VAV2: variants seen among roughly 807,000 people sequenced by gnomAD.
VAV2 encodes the protein guanine nucleotide exchange factor VAV2.
A neutral mutation model predicts 132.5 loss-of-function variants in VAV2; 67 were observed. The ratio of observed to expected loss-of-function variants is 0.51; its 90% CI spans 0.42 to 0.62. VAV2 has a LOEUF of 0.62. Among genes scored for constraint, VAV2 ranks in the 20% least tolerant of loss-of-function variants. The pLI is 0.00. For missense variants in VAV2, 938 were observed against 1,153.6 expected (o/e 0.81, Z 2.71); for synonymous variants, 492 against 443.5 (o/e 1.11, Z -1.37).
intron 2 of VAV2, among the ~76,000 whole-genome samples, chr9:133,882,683 C>A (rs957668484): frequency 6.6e-6 from 1 of 152,212 alleles, no homozygotes; most frequent in East Asian, 1.9e-4. Context: ...CCTTGTTTTG[C>A]GGCACCAGGT....
At chr9:133,797,623 C>T (rs1330759206) in intron 10 of VAV2, 87 bp downstream of exon 10, 4 of 1,188,406 alleles carry the variant, frequency 3.4e-6, no homozygotes, top group Admixed American at 2.6e-5. Flanking sequence ...AACAAATGGG[C>T]AAGAGAGAGG....
intron 4 of VAV2, among the ~76,000 whole-genome samples, chr9:133,814,840 A>G (rs1388738009): frequency 1.3e-5 from 2 of 152,128 alleles, no homozygotes; most frequent in African/African-American, 4.8e-5. Context: ...GGCTTGTCAC[A>G]GTGCAGATGG....
At chr9:133,870,905 T>G (rs1340134726) in intron 2 of VAV2, among the ~76,000 whole-genome samples, 6 of 75,980 alleles carry the variant, frequency 7.9e-5, no homozygotes, top group Admixed American at 1.9e-4. Flanking sequence ...AGTGCGTGGG[T>G]GGGTGGGTGG....
At chr9:133,914,804 A>G (rs1034526990) in intron 2 of VAV2, among the ~76,000 whole-genome samples, 2 of 718 alleles carry the variant, frequency 2.8e-3, no homozygotes, top group African/African-American at 6.2e-3. Flanking sequence ...AGGAGAGGGG[A>G]AGGGAGAAGG....
intron 3 of VAV2, among the ~76,000 whole-genome samples, chr9:133,856,084 T>C (rs1279346051): frequency 6.6e-6 from 1 of 152,044 alleles, no homozygotes; most frequent in Non-Finnish European, 1.5e-5. Context: ...TCCATGGACA[T>C]GAAACATCCA....
rs771515093 is a variant in VAV2 at position 133,805,029 on chromosome 9, C to T, written c.836+1052G>A. Among the ~76,000 whole-genome samples the T allele has an allele frequency of 4.7e-4, 71 of 152,274 alleles. 1 individual carries two copies. The highest frequency in any genetic ancestry group is 6.8e-4 in the Non-Finnish European group (46 of 67,996). ...TGAAGCTACAGAGCACACAGGGAAGCACCTGCAGGGCTTCCCAGGCAACGT... is the reference window on the plus strand; with the variant it reads ...TGAAGCTACAGAGCACACAGGGAAGTACCTGCAGGGCTTCCCAGGCAACGT... On this transcript the variant is annotated intron_variant, in intron 9 of 29. Transcript: ENST00000371850.
intron 25 of VAV2, 54 bp from the exon 26 acceptor site, chr9:133,772,100 C>T: frequency 6.7e-7 from 1 of 1,486,672 alleles, no homozygotes; most frequent in Non-Finnish European, 9.4e-7. Flanking sequence ...ACGGCCCCGG[C>T]CCCCTTGGCA....
At chr9:133,931,381 C>T (rs1180365005) in intron 2 of VAV2, among the ~76,000 whole-genome samples, 1 of 128,616 alleles carries the variant, frequency 7.8e-6, no homozygotes, top group Non-Finnish European at 1.7e-5. Context: ...CCTCTGACAA[C>T]CAGAAGCACC....
chr9:133,968,244 G>A (rs568013153), intron 1 of VAV2, among the ~76,000 whole-genome samples: 1 of 152,090 alleles, frequency 6.6e-6, no homozygotes, highest in Non-Finnish European at 1.5e-5. Context: ...TTGGGATCAT[G>A]GGCATCCTAA....
chr9:133,783,522 C>G lies in VAV2; in HGVS notation c.1704G>C (p.Val568=). The change falls in exon 19 of 30, where the codon GTG becomes GTC. Residue 568 remains valine, a synonymous_variant. Coordinates refer to ENST00000371850, the MANE Select transcript of VAV2 (RefSeq NM_001134398.2). ...ACTCACTGAACTTGCAGGGAGGTAT[C>G]ACTTCCAGGCACTCCTTGTGTGCCC... ...GVGAHKECLE[V]IPPCKFTSPA... 1 of 1,613,820 alleles carries G rather than the reference C, an allele frequency of 6.2e-7. No homozygotes were observed. The highest frequency in any genetic ancestry group is 2.2e-5 in the East Asian group (1 of 44,862).
At chr9:133,821,941 A>C (rs996272197) in intron 4 of VAV2, among the ~76,000 whole-genome samples, 1 of 152,142 alleles carries the variant, frequency 6.6e-6, no homozygotes, top group African/African-American at 2.4e-5. Context: ...AGCTGCGCTG[A>C]CAGATGCTAA....
chr9:133,846,030 C>G (rs1183023593), intron 3 of VAV2, among the ~76,000 whole-genome samples: 1 of 152,212 alleles, frequency 6.6e-6, no homozygotes, highest in African/African-American at 2.4e-5. Flanking sequence ...CCCAATCTTT[C>G]CTCTACATTC....
chr9:133,794,331 G>A lies in VAV2; in HGVS notation c.1101+1337C>T, dbSNP rs1405809427. ...AGGCTTTCCTGGAGCATTCCTCAGG[G>A]TGCTCGCTGCCCAGTGCAGCCGAGC... is the stretch of plus-strand genomic sequence containing the variant. On this transcript the variant is annotated intron_variant, in intron 12 of 29. Coordinates refer to ENST00000371850, the MANE Select transcript of VAV2 (RefSeq NM_001134398.2). The surrounding 1 kb of genome is among the most constrained non-coding windows in gnomAD (Gnocchi z 4.6). Among the ~76,000 whole-genome samples, 2 of 152,044 alleles carry A rather than the reference G, an allele frequency of 1.3e-5. No individual in the cohort carries two copies. Among genetic ancestry groups the A allele is most frequent in the African/African-American group, 2.4e-5 (1 of 41,404 alleles).
chr9:133,952,455 T>C (rs551593320), intron 1 of VAV2, among the ~76,000 whole-genome samples: 1 of 151,758 alleles, frequency 6.6e-6, no homozygotes, highest in East Asian at 1.9e-4. Flanking sequence ...TACAAAAAAT[T>C]AGCCAGGCAT....
rs1486504698 is a variant in VAV2 at position 133,769,662 on chromosome 9, C to T, written c.2348-159G>A. Among the ~76,000 whole-genome samples, 1 of 152,172 alleles carries T rather than the reference C, an allele frequency of 6.6e-6. No individual in the cohort carries two copies. The highest frequency in any genetic ancestry group is 1.9e-4 in the East Asian group (1 of 5,196). ...GGAGGCAGGGGGCAGCACGGGTTGTCAAGCCCCACCCAGGCACAGGTGCCA... is the reference window on the plus strand; with the variant it reads ...GGAGGCAGGGGGCAGCACGGGTTGTTAAGCCCCACCCAGGCACAGGTGCCA... On this transcript the variant is annotated intron_variant, in intron 27 of 29. Transcript: ENST00000371850. This position sits in a 1 kb window ranked among gnomAD's most constrained non-coding sequence, Gnocchi z 8.1.
Position 133,788,546 on chromosome 9 carries a change from A to G in VAV2, c.1275-60T>C. On this transcript the variant is annotated intron_variant, in intron 14 of 29. Coordinates refer to ENST00000371850, the MANE Select transcript of VAV2 (RefSeq NM_001134398.2). This position sits in a 1 kb window ranked among gnomAD's most constrained non-coding sequence, Gnocchi z 5.3. ...CAGCACTGTGTGCTCTGCTCCGAGG[A>G]GGCGGCAGGAGCTGAGCCTGAGGCT... 6.4e-7 allele frequency: 1 copy of G among 1,567,524 alleles called. No individual in the cohort carries two copies. Among genetic ancestry groups the G allele is most frequent in the Non-Finnish European group, 8.7e-7 (1 of 1,146,880 alleles).
chr9:133,797,836 C>A, intron 9 of VAV2, 27 bp from the exon 10 acceptor site: 3 of 1,605,952 alleles, frequency 1.9e-6, no homozygotes, highest in African/African-American at 2.7e-5. Flanking sequence ...CACGCACACA[C>A]GCACACAGAT....
chr9:133,770,588 G>A, intron 26 of VAV2, 87 bp from the exon 27 acceptor site: 1 of 1,564,894 alleles, frequency 6.4e-7, no homozygotes, highest in Non-Finnish European at 8.7e-7. Flanking sequence ...CCACCTCTTG[G>A]TTCATGTGGG....
At chr9:133,875,816 G>C (rs1838239907) in intron 2 of VAV2, among the ~76,000 whole-genome samples, 1 of 152,260 alleles carries the variant, frequency 6.6e-6, no homozygotes, top group African/African-American at 2.4e-5. Context: ...CCAGAGGGCA[G>C]GTAGGACATT....
Sources: gnomAD v4.1 joint callset for allele counts (sites outside exome capture counted in the v4.1 genomes callset) on GRCh38, gnomAD v4.1.1 for gene constraint, Gnocchi (gnomAD v3.1) non-coding constraint, MANE v1.5 for transcripts, NCBI Gene and HGNC (gene_info 2026-07-23, HGNC 2026-07-21) for gene names.